TRAF3: variants seen among roughly 807,000 people sequenced by gnomAD.
TRAF3 encodes the protein TNF receptor associated factor 3.
TRAF3 carries 13 observed loss-of-function variants against 62.3 expected under a neutral mutation model. That is an observed-to-expected ratio of 0.21 (90% CI 0.14 to 0.33). TRAF3 has a LOEUF of 0.33. Among genes scored for constraint, TRAF3 ranks in the 10% least tolerant of loss-of-function variants. TRAF3 has a pLI of 1.00. For synonymous variants in TRAF3, 269 were observed against 283.4 expected (o/e 0.95, Z 0.51); for missense variants, 440 against 741.8 (o/e 0.59, Z 4.73).
At chr14:102,868,488 A>G (rs1052179144) in intron 2 of TRAF3, among the ~76,000 whole-genome samples, 2 of 152,196 alleles carry the variant, frequency 1.3e-5, no homozygotes, top group African/African-American at 4.8e-5. Context: ...CAGGAAGGGC[A>G]TCTGTGCTGG....
intron 11 of TRAF3, 81 bp from the exon 12 acceptor site, chr14:102,905,132 C>G: frequency 4.4e-6 from 6 of 1,368,814 alleles, no homozygotes; most frequent in Non-Finnish European, 6.2e-6. Flanking sequence ...AATAAAATAA[C>G]GAGTGCTGGT....
intron 1 of TRAF3, among the ~76,000 whole-genome samples, chr14:102,827,335 T>C (rs1477824822): frequency 6.6e-6 from 1 of 152,238 alleles, no homozygotes; most frequent in Admixed American, 6.5e-5. Context: ...GTATCCCTTA[T>C]CTGAAATGCT....
intron 6 of TRAF3, among the ~76,000 whole-genome samples, chr14:102,879,785 C>CT (rs1888941962): frequency 6.6e-6 from 1 of 151,918 alleles, no homozygotes; most frequent in Non-Finnish European, 1.5e-5. Flanking sequence ...ATTGTGAAAT[C>CT]TTTTTCTTGT....
intron 2 of TRAF3, among the ~76,000 whole-genome samples, chr14:102,842,579 T>G (rs1240259820): frequency 1.3e-5 from 2 of 152,066 alleles, no homozygotes; most frequent in African/African-American, 4.8e-5. Flanking sequence ...GGAGAAATAA[T>G]GGCTGGAAAT....
chr14:102,867,160 G>A (rs567918019), intron 2 of TRAF3, among the ~76,000 whole-genome samples: 21 of 152,214 alleles, frequency 1.4e-4, no homozygotes, highest in African/African-American at 4.3e-4. Flanking sequence ...CTGGCCTTTC[G>A]TACAACCTAC....
intron 7 of TRAF3, among the ~76,000 whole-genome samples, chr14:102,887,608 T>C (rs1033326277): frequency 6.6e-6 from 1 of 152,192 alleles, no homozygotes; most frequent in Non-Finnish European, 1.5e-5. Flanking sequence ...TCTTTTTTTT[T>C]TTTTGAGACG....
At chr14:102,827,423 A>G (rs1400913548) in intron 1 of TRAF3, among the ~76,000 whole-genome samples, 2 of 152,224 alleles carry the variant, frequency 1.3e-5, no homozygotes, top group African/African-American at 4.8e-5. Context: ...TATCTTGGGG[A>G]TGAGACTTAA....
At chr14:102,897,516 G>A in intron 10 of TRAF3, 115 bp downstream of exon 10, 1 of 1,366,126 alleles carries the variant, frequency 7.3e-7, no homozygotes, top group African/African-American at 1.5e-5. Flanking sequence ...CAAGCAGAAA[G>A]GCAACTGATT....
In TRAF3 at chr14:102,876,681, C is replaced by G; in HGVS notation, c.570+156C>G. 4 of 1,007,200 alleles carry G rather than the reference C, an allele frequency of 4.0e-6. No homozygotes were observed. In the South Asian group the frequency reaches 4.2e-5, roughly 11 times the overall value. 62.4% of individuals were successfully genotyped at this position (1,007,200 alleles called of 1,614,324 possible). On this transcript the variant is annotated intron_variant, in intron 6 of 11. Coordinates refer to ENST00000392745, the MANE Select transcript of TRAF3 (RefSeq NM_145725.3). ...GCCTTCCACTCAGTTCATAGATATT[C>G]CGTTCCACAGGCCTTCCGCTCAATT...
intron 9 of TRAF3, among the ~76,000 whole-genome samples, chr14:102,894,539 A>G (rs1359534255): frequency 6.6e-6 from 1 of 152,244 alleles, no homozygotes; most frequent in South Asian, 2.1e-4. Flanking sequence ...CACACCTGCC[A>G]GGTGGACTTT....
In TRAF3 at chr14:102,911,134, G is replaced by A. The variant is rs368377660; in HGVS notation, c.*5350G>A. ...TTAATCTGCCTGTTTTAAAAGTTGC[G>A]TCTGTAGTAGCCGCTTGCTGTGAAG... On this transcript the variant is annotated 3_prime_UTR_variant, in exon 12 of 12. Coordinates refer to ENST00000392745, the MANE Select transcript of TRAF3 (RefSeq NM_145725.3). 7 of 152,302 alleles carry A rather than the reference G, an allele frequency of 4.6e-5. No homozygotes were observed. In the East Asian group the frequency reaches 9.6e-4, roughly 21 times the overall value. The allele number at this position is 152,302 out of a possible 1,614,324, so 9.4% of individuals were successfully genotyped here.
At chr14:102,902,279 C>T (rs759215056) in intron 10 of TRAF3, among the ~76,000 whole-genome samples, 11 of 152,342 alleles carry the variant, frequency 7.2e-5, no homozygotes, top group African/African-American at 1.2e-4. Flanking sequence ...AAGACCCCTG[C>T]GTCTGCAGCA....
Position 102,903,154 on chromosome 14 carries a change from C to CT in TRAF3, c.961-100dup. The CT allele has an allele frequency of 6.4e-7, 1 of 1,560,272 alleles. No homozygotes were observed. The highest frequency in any genetic ancestry group is 8.8e-7 in the Non-Finnish European group (1 of 1,133,068). The stretch of plus-strand genomic sequence containing the variant: ...GGTGGCAGGCCTCATACAGGGGCCT[C>CT]TGACTGTTCTGCTCCTAGCCTGTCT... On this transcript the variant is annotated intron_variant, in intron 10 of 11. Transcript: ENST00000392745. The surrounding 1 kb of genome is among the most constrained non-coding windows in gnomAD (Gnocchi z 6.4).
At chr14:102,842,491 G>T (rs1379191881) in intron 2 of TRAF3, among the ~76,000 whole-genome samples, 2 of 152,002 alleles carry the variant, frequency 1.3e-5, no homozygotes, top group African/African-American at 4.8e-5. Flanking sequence ...TCAGCAGCCT[G>T]TGGGACAAAG....
In TRAF3 at chr14:102,906,687, A is replaced by G. The variant is rs1384574355; in HGVS notation, c.*903A>G. ...GGCATCCGTTGAACTTTGGAGTTCT[A>G]AACAAAATCCTGTAGGTGTTTGGAT... On this transcript the variant is annotated 3_prime_UTR_variant, in exon 12 of 12. Coordinates refer to ENST00000392745, the MANE Select transcript of TRAF3 (RefSeq NM_145725.3). 1 of 152,260 alleles carries G rather than the reference A, an allele frequency of 6.6e-6. No individual in the cohort carries two copies. Among genetic ancestry groups the G allele is most frequent in the South Asian group, 2.1e-4 (1 of 4,834 alleles). 9.4% of individuals were successfully genotyped at this position (152,260 alleles called of 1,614,324 possible). A position where few individuals can be genotyped will look rare whatever the true frequency, so the allele number is the denominator to read the frequency against.
chr14:102,800,695 C>CTTTTTT (rs369818329), intron 1 of TRAF3, among the ~76,000 whole-genome samples: 3 of 133,182 alleles, frequency 2.3e-5, no homozygotes, highest in Non-Finnish European at 3.2e-5. Context: ...TGTTCTTTTC[C>CTTTTTT]TTTTTTTTTT....
chr14:102,803,581 T>A (rs533320264), intron 1 of TRAF3, among the ~76,000 whole-genome samples: 6 of 152,186 alleles, frequency 3.9e-5, no homozygotes, highest in South Asian at 2.1e-4. Flanking sequence ...GTATAATTTT[T>A]TTTTTTTTTT....
chr14:102,852,426 C>T (rs957923216), intron 2 of TRAF3, among the ~76,000 whole-genome samples: 8 of 152,220 alleles, frequency 5.3e-5, no homozygotes, highest in Admixed American at 2.0e-4. Flanking sequence ...GACTCCAGTG[C>T]GGCCTGCTTG....
chr14:102,868,895 C>T (rs1323274019), intron 2 of TRAF3, among the ~76,000 whole-genome samples: 4 of 152,166 alleles, frequency 2.6e-5, no homozygotes, highest in African/African-American at 7.2e-5. Context: ...AAGCTGGGAC[C>T]TTTGTGGCTT....
Sources: gnomAD v4.1 joint callset for allele counts (sites outside exome capture counted in the v4.1 genomes callset) on GRCh38, gnomAD v4.1.1 for gene constraint, Gnocchi (gnomAD v3.1) non-coding constraint, MANE v1.5 for transcripts, NCBI Gene and HGNC (gene_info 2026-07-23, HGNC 2026-07-21) for gene names.